RBPJ: variants seen among roughly 807,000 people sequenced by gnomAD.
The protein encoded by RBPJ is recombining binding protein suppressor of hairless.
RBPJ carries 9 observed loss-of-function variants against 67.8 expected under a neutral mutation model. That is an observed-to-expected ratio of 0.13 (90% CI 0.08 to 0.23). RBPJ has a LOEUF of 0.23. Ranked by LOEUF, RBPJ falls within the 10% of genes least tolerant of loss-of-function variation. RBPJ has a pLI of 1.00. For synonymous variants in RBPJ, 198 were observed against 203.3 expected, an observed-to-expected ratio of 0.97 and a Z score of 0.22; for missense variants, 305 against 595.6, an observed-to-expected ratio of 0.51 and a Z score of 5.08.
intron 1 of RBPJ, among the ~76,000 whole-genome samples, chr4:26,242,475 A>AAAAAG (rs1273904383): frequency 6.6e-6 from 1 of 151,574 alleles, no homozygotes; most frequent in African/African-American, 2.4e-5. Flanking sequence ...AAGAAAAGAA[A>AAAAAG]AAAAGAAAAG....
At chr4:26,140,834 C>CAAATAAATAAATAAATAAATAAAT in the RBPJ span, among the ~76,000 whole-genome samples, 394 of 138,498 alleles carry the variant, frequency 2.8e-3, 2 homozygotes, top group Middle Eastern at 0.011. Context: ...GACCCTTCCA[C>CAAATAAATAAATAAATAAATAAAT]AAATAAATAA....
upstream of RBPJ, among the ~76,000 whole-genome samples, chr4:26,161,719 G>T (rs911312033): frequency 6.6e-6 from 1 of 152,202 alleles, no homozygotes; most frequent in Non-Finnish European, 1.5e-5. Flanking sequence ...AAAGGAGGAG[G>T]CCTGAAGCTG....
chr4:26,412,273 T>C (rs1003679325), intron 3 of RBPJ, among the ~76,000 whole-genome samples: 6 of 152,082 alleles, frequency 3.9e-5, no homozygotes, highest in African/African-American at 1.4e-4. Context: ...TGCTCTGTCA[T>C]CCAGGCTGGA....
chr4:26,311,365 T>C (rs1035934009), intron 1 of RBPJ, among the ~76,000 whole-genome samples: 2 of 152,020 alleles, frequency 1.3e-5, no homozygotes, highest in African/African-American at 4.8e-5. Flanking sequence ...GATCAATTCC[T>C]ATCTCTACTA....
At chr4:26,297,162 G>C (rs2109295304) in intron 1 of RBPJ, among the ~76,000 whole-genome samples, 1 of 152,210 alleles carries the variant, frequency 6.6e-6, no homozygotes, top group East Asian at 1.9e-4. Flanking sequence ...CAGGCGTGGT[G>C]GCAGACACCT....
At chr4:26,420,522 G>A (rs1019349607) in intron 4 of RBPJ, 29 bp from the exon 5 acceptor site, 2 of 1,527,086 alleles carry the variant, frequency 1.3e-6, no homozygotes, top group Non-Finnish European at 8.8e-7. Flanking sequence ...AGGTTTTGCT[G>A]CTGTTAAAAC....
the RBPJ span, among the ~76,000 whole-genome samples, chr4:26,135,897 G>C: frequency 6.6e-6 from 1 of 152,122 alleles, no homozygotes; most frequent in Non-Finnish European, 1.5e-5. Flanking sequence ...GTATTAGTCT[G>C]TTCTTACGCT....
At chr4:26,235,910 T>C (rs1221331442) in intron 1 of RBPJ, among the ~76,000 whole-genome samples, 1 of 152,222 alleles carries the variant, frequency 6.6e-6, no homozygotes, top group Non-Finnish European at 1.5e-5. Context: ...AAAGAAGGAA[T>C]TGGAAGGGAA....
At chr4:26,136,456 G>A in the RBPJ span, among the ~76,000 whole-genome samples, 1 of 152,174 alleles carries the variant, frequency 6.6e-6, no homozygotes, top group African/African-American at 2.4e-5. Flanking sequence ...TGGAAATTGG[G>A]TGGGCAATGC....
intron 1 of RBPJ, among the ~76,000 whole-genome samples, chr4:26,332,223 A>G (rs1724337515): frequency 6.9e-6 from 1 of 145,442 alleles, no homozygotes; most frequent in South Asian, 2.1e-4. Flanking sequence ...TGTAATGTTA[A>G]AAAAAAAAAG....
the RBPJ span, among the ~76,000 whole-genome samples, chr4:26,141,670 C>T: frequency 6.6e-6 from 1 of 152,328 alleles, no homozygotes; most frequent in South Asian, 2.1e-4. Context: ...GTCTTCTTTT[C>T]TGGCTATTTG....
rs112941661 is a variant in RBPJ at position 26,252,929 on chromosome 4, T to C, written c.-167+89315T>C. 4.0e-3 allele frequency among the ~76,000 whole-genome samples: 605 copies of C among 152,346 alleles called. 5 individuals carry two copies. The highest frequency in any genetic ancestry group is 0.014 in the African/African-American group (570 of 41,586). The stretch of plus-strand genomic sequence containing the variant: ...CTGGATTTGCTTCCTGACCTGGCTC[T>C]ACTATATAAAAAACCCAGCTGCTTT... On this transcript the variant is annotated intron_variant, in intron 1 of 4. Transcript: ENST00000512351.
At chr4:26,202,552 TTC>T (rs1268781226) in intron 1 of RBPJ, among the ~76,000 whole-genome samples, 4 of 150,852 alleles carry the variant, frequency 2.7e-5, no homozygotes. Context: ...TGACTATCAA[TTC>T]TCTCTTTTTA....
chr4:26,251,567 T>A (rs1388156734), intron 1 of RBPJ, among the ~76,000 whole-genome samples: 2 of 139,726 alleles, frequency 1.4e-5, no homozygotes, highest in Non-Finnish European at 3.0e-5. Flanking sequence ...ACATGGGAGG[T>A]GGAGGTTGCA....
the RBPJ span, among the ~76,000 whole-genome samples, chr4:26,119,825 C>G: frequency 2.6e-5 from 4 of 152,172 alleles, no homozygotes; most frequent in African/African-American, 9.7e-5. Flanking sequence ...TAGATGTGGC[C>G]TGAGGCCTTA....
intron 1 of RBPJ, among the ~76,000 whole-genome samples, chr4:26,337,128 A>AT (rs59549393): frequency 0.026 from 3,550 of 134,760 alleles, 97 homozygotes; most frequent in African/African-American, 0.068. Flanking sequence ...TGCCCAGCTA[A>AT]TTTTTTTTTT....
At chr4:26,210,449 C>T (rs144129021) in intron 1 of RBPJ, among the ~76,000 whole-genome samples, 30 of 152,182 alleles carry the variant, frequency 2.0e-4, no homozygotes, top group African/African-American at 7.0e-4. Flanking sequence ...AGAGGGCAAT[C>T]GCATCAATTT....
intron 1 of RBPJ, among the ~76,000 whole-genome samples, chr4:26,348,571 A>G (rs929929118): frequency 9.9e-5 from 15 of 152,236 alleles, no homozygotes; most frequent in Non-Finnish European, 1.9e-4. Flanking sequence ...TGTGATTATC[A>G]TATTGTACTG....
intron 1 of RBPJ, among the ~76,000 whole-genome samples, chr4:26,242,703 G>GT (rs1719687484): frequency 1.5e-5 from 1 of 67,638 alleles, no homozygotes; most frequent in East Asian, 3.8e-4. Flanking sequence ...CCCACTCATA[G>GT]TTAAAAAAAA....
Sources: gnomAD v4.1 joint callset for allele counts (sites outside exome capture counted in the v4.1 genomes callset) on GRCh38, gnomAD v4.1.1 for gene constraint, MANE v1.5 for transcripts, NCBI Gene and HGNC (gene_info 2026-07-23, HGNC 2026-07-21) for gene names.